Variants in EDIL3 observed in about 807,000 individuals in gnomAD.
EDIL3 encodes the protein EGF-like repeat and discoidin I-like domain-containing protein 3.
A neutral mutation model predicts 67.4 loss-of-function variants in EDIL3; 37 were observed. That is an observed-to-expected ratio of 0.55 (90% CI 0.42 to 0.72). The LOEUF (loss-of-function observed/expected upper bound fraction) is 0.72, where lower values mean the gene tolerates loss of function less well. Among genes scored for constraint, EDIL3 ranks in the 30% least tolerant of loss-of-function variants. The probability of loss-of-function intolerance (pLI) is 0.00; values close to 1 mark genes in which losing one functional copy is unlikely to be tolerated. For missense variants in EDIL3, 527 were observed against 586.3 expected (o/e 0.90, Z 1.04); for synonymous variants, 195 against 196.3 (o/e 0.99, Z 0.05).
At chr5:84,058,839 A>G (rs1204873987) in intron 9 of EDIL3, among the ~76,000 whole-genome samples, 1 of 152,184 alleles carries the variant, frequency 6.6e-6, no homozygotes, top group Non-Finnish European at 1.5e-5. Flanking sequence ...CATCACAAAC[A>G]TTTGTTAAAT....
At chr5:84,286,094 A>G (rs924247544) in intron 1 of EDIL3, among the ~76,000 whole-genome samples, 3 of 152,158 alleles carry the variant, frequency 2.0e-5, no homozygotes, top group African/African-American at 7.2e-5. Context: ...CTAGGCTTAC[A>G]GTGAACTCTG....
At chr5:83,969,231 C>G (rs535924876) in intron 9 of EDIL3, among the ~76,000 whole-genome samples, 4 of 151,700 alleles carry the variant, frequency 2.6e-5, no homozygotes, top group African/African-American at 9.7e-5. Context: ...CAATCATTAA[C>G]TTACTATTAA....
At chr5:84,214,563 C>T (rs1202361681) in intron 3 of EDIL3, among the ~76,000 whole-genome samples, 1 of 152,022 alleles carries the variant, frequency 6.6e-6, no homozygotes, top group African/African-American at 2.4e-5. Flanking sequence ...AGATGTGAAA[C>T]CTGTGGACAA....
At chr5:84,149,493 A>G (rs2112328424) in intron 4 of EDIL3, among the ~76,000 whole-genome samples, 1 of 152,286 alleles carries the variant, frequency 6.6e-6, no homozygotes, top group South Asian at 2.1e-4. Context: ...GGTCCCACCT[A>G]ACGAATCTTA....
At chr5:84,161,568 C>T (rs1459473372) in intron 4 of EDIL3, among the ~76,000 whole-genome samples, 1 of 151,958 alleles carries the variant, frequency 6.6e-6, no homozygotes, top group African/African-American at 2.4e-5. Context: ...AGGAAGCTGC[C>T]ATTGTTTTTC....
intron 1 of EDIL3, among the ~76,000 whole-genome samples, chr5:84,259,680 A>C (rs778707245): frequency 2.0e-5 from 3 of 152,190 alleles, no homozygotes; most frequent in Non-Finnish European, 4.4e-5. Context: ...ATTCTGCATG[A>C]AATCAACATT....
intron 9 of EDIL3, among the ~76,000 whole-genome samples, chr5:84,003,687 T>C (rs1231038787): frequency 6.6e-6 from 1 of 152,074 alleles, no homozygotes; most frequent in African/African-American, 2.4e-5. Context: ...CTAAATATGA[T>C]AACAAAAAAC....
intron 1 of EDIL3, among the ~76,000 whole-genome samples, chr5:84,286,872 C>T (rs532568003): frequency 3.3e-5 from 5 of 152,308 alleles, no homozygotes; most frequent in East Asian, 3.9e-4. Flanking sequence ...CTGCTCTCCC[C>T]ACTGAGGTTT....
At chr5:84,247,180 T>C (rs1400156199) in intron 2 of EDIL3, among the ~76,000 whole-genome samples, 1 of 152,120 alleles carries the variant, frequency 6.6e-6, no homozygotes, top group Non-Finnish European at 1.5e-5. Context: ...GATTCAATCA[T>C]GAGTCTAAGA....
In EDIL3 at chr5:83,943,167, T is replaced by C. The variant is rs571575203; in HGVS notation, c.*252A>G. 1.6e-4 allele frequency: 66 copies of C among 421,096 alleles called. 1 individual carries two copies. The highest frequency in any genetic ancestry group is 1.5e-3 in the South Asian group (52 of 35,810). 26.1% of individuals were successfully genotyped at this position (421,096 alleles called of 1,614,324 possible). On this transcript the variant is annotated 3_prime_UTR_variant, in exon 11 of 11. Coordinates refer to ENST00000296591, the MANE Select transcript of EDIL3 (RefSeq NM_005711.5). ...CCAATGCGAATAATTCAGGAAACAATGAGAGAAAAGTAATTCACACTTAAT... is the reference window on the plus strand; with the variant it reads ...CCAATGCGAATAATTCAGGAAACAACGAGAGAAAAGTAATTCACACTTAAT...
intron 9 of EDIL3, among the ~76,000 whole-genome samples, chr5:84,050,492 G>C (rs1234003997): frequency 6.6e-6 from 1 of 152,218 alleles, no homozygotes; most frequent in African/African-American, 2.4e-5. Flanking sequence ...AGTGCACTGA[G>C]CGTGAGCTGA....
chr5:84,203,695 T>C (rs1007603294), intron 3 of EDIL3, among the ~76,000 whole-genome samples: 2 of 152,186 alleles, frequency 1.3e-5, no homozygotes. Flanking sequence ...CTCGCACAAG[T>C]GGCAGTTAAG....
chr5:84,356,215 C>T (rs1747477454), intron 1 of EDIL3, among the ~76,000 whole-genome samples: 1 of 152,200 alleles, frequency 6.6e-6, no homozygotes, highest in Non-Finnish European at 1.5e-5. Context: ...TTCACCACCA[C>T]TATTATGTCT....
chr5:84,362,490 T>G (rs1747629973), intron 1 of EDIL3, among the ~76,000 whole-genome samples: 1 of 152,222 alleles, frequency 6.6e-6, no homozygotes, highest in Non-Finnish European at 1.5e-5. Flanking sequence ...TATGTCCAAA[T>G]GACTTCAATA....
intron 2 of EDIL3, among the ~76,000 whole-genome samples, chr5:84,247,943 T>C (rs891228682): frequency 2.0e-5 from 3 of 152,142 alleles, no homozygotes; most frequent in Non-Finnish European, 4.4e-5. Context: ...ATAATGAATC[T>C]TATATTACTA....
At position 84,260,746 on chromosome 5, in the gene EDIL3, C is replaced by A. The variant is rs182634182; in HGVS notation, c.68-6534G>T. ...TTCTCTGCTCTTTTCAAAGTGCTGG[C>A]AGCCACCTAGAATATGTCTGCACCA... is the stretch of plus-strand genomic sequence containing the variant. On this transcript the variant is annotated intron_variant, in intron 1 of 10. Coordinates refer to ENST00000296591, the MANE Select transcript of EDIL3 (RefSeq NM_005711.5). Among the ~76,000 whole-genome samples, 57 of 152,220 alleles carry A rather than the reference C, an allele frequency of 3.7e-4. 1 individual carries two copies. The highest frequency in any genetic ancestry group is 9.8e-4 in the Admixed American group (15 of 15,296).
rs577871386 is a variant in EDIL3, at chr5:84,123,892, T to C, written c.469+13349A>G. Among the ~76,000 whole-genome samples the C allele has an allele frequency of 1.2e-4, 19 of 152,064 alleles. No individual in the cohort carries two copies. The South Asian group carries it at 3.5e-3, about 28-fold the overall frequency. ...ATGTTGTTAAAAAGTATAAGACCAA[T>C]ACTATGCAGTTTTCTACTATTTTTT... On this transcript the variant is annotated intron_variant, in intron 5 of 10. Coordinates refer to ENST00000296591, the MANE Select transcript of EDIL3 (RefSeq NM_005711.5).
chr5:84,310,752 ATACAG>A (rs894411557), intron 1 of EDIL3, among the ~76,000 whole-genome samples: 1 of 152,198 alleles, frequency 6.6e-6, no homozygotes, highest in African/African-American at 2.4e-5. Flanking sequence ...TATAACTTAC[ATACAG>A]TAAAGTACAC....
chr5:84,216,743 T>A (rs1744234178), intron 3 of EDIL3, among the ~76,000 whole-genome samples: 1 of 152,212 alleles, frequency 6.6e-6, no homozygotes. Context: ...AATATTAATA[T>A]GGCAAACAGC....
Sources: gnomAD v4.1 joint callset for allele counts (sites outside exome capture counted in the v4.1 genomes callset) on GRCh38, gnomAD v4.1.1 for gene constraint, MANE v1.5 for transcripts, NCBI Gene and HGNC (gene_info 2026-07-23, HGNC 2026-07-21) for gene names.